ZCCHC7: variants seen among roughly 807,000 people sequenced by gnomAD.
ZCCHC7 encodes the protein zinc finger CCHC domain-containing protein 7.
In ZCCHC7, 35 loss-of-function variants were observed where a neutral mutation model predicts 52.0. The observed-to-expected ratio is 0.67, with a 90% CI of 0.51 to 0.89. ZCCHC7 has a LOEUF of 0.89. Among genes scored for constraint, ZCCHC7 ranks in the 40% least tolerant of loss-of-function variants. The pLI is 0.00. For missense variants in ZCCHC7, 574 were observed against 649.1 expected (o/e 0.88, Z 1.26); for synonymous variants, 217 against 221.5 (o/e 0.98, Z 0.18).
intron 5 of ZCCHC7, among the ~76,000 whole-genome samples, chr9:37,306,689 TCCTGA>T (rs1829331005): frequency 7.2e-6 from 1 of 138,176 alleles, no homozygotes; most frequent in Non-Finnish European, 1.5e-5. Context: ...GGTCTCGATC[TCCTGA>T]CCTCATGATC....
intron 6 of ZCCHC7, among the ~76,000 whole-genome samples, chr9:37,348,621 G>A (rs781399535): frequency 1.3e-5 from 2 of 151,848 alleles, no homozygotes; most frequent in East Asian, 1.9e-4. Flanking sequence ...CTCGTGATCC[G>A]CCCACCTCAG....
chr9:37,198,046 A>T (rs998978225), intron 2 of ZCCHC7, among the ~76,000 whole-genome samples: 11 of 152,236 alleles, frequency 7.2e-5, no homozygotes, highest in Admixed American at 2.0e-4. Context: ...AGTGTTCCTC[A>T]TAACAAAGCC....
At chr9:37,138,977 A>G (rs1843109622) in intron 2 of ZCCHC7, among the ~76,000 whole-genome samples, 1 of 151,962 alleles carries the variant, frequency 6.6e-6, no homozygotes, top group African/African-American at 2.4e-5. Context: ...TTTCCAAAGA[A>G]ATATAGAATG....
At chr9:37,168,608 A>C (rs1003367025) in intron 2 of ZCCHC7, among the ~76,000 whole-genome samples, 1 of 152,196 alleles carries the variant, frequency 6.6e-6, no homozygotes, top group Non-Finnish European at 1.5e-5. Context: ...ATGTAAACAA[A>C]GTACCCAGGC....
intron 2 of ZCCHC7, among the ~76,000 whole-genome samples, chr9:37,260,931 T>G (rs1588568036): frequency 6.6e-6 from 1 of 152,338 alleles, no homozygotes; most frequent in Middle Eastern, 3.4e-3. Context: ...TTATTCTATA[T>G]CTTTCTTTTA....
intron 6 of ZCCHC7, among the ~76,000 whole-genome samples, chr9:37,335,949 A>G (rs962587686): frequency 2.6e-5 from 4 of 152,186 alleles, no homozygotes; most frequent in African/African-American, 9.6e-5. Flanking sequence ...GTTCTCTATC[A>G]TAAGCAAATA....
At chr9:37,261,152 G>C (rs1435881685) in intron 2 of ZCCHC7, among the ~76,000 whole-genome samples, 2 of 152,042 alleles carry the variant, frequency 1.3e-5, no homozygotes, top group African/African-American at 4.8e-5. Context: ...GTACCTATGT[G>C]AGAGACATTT....
intron 2 of ZCCHC7, among the ~76,000 whole-genome samples, chr9:37,298,279 G>C (rs1003779338): frequency 2.0e-5 from 3 of 152,080 alleles, no homozygotes; most frequent in Admixed American, 1.3e-4. Flanking sequence ...GTAGGTTATG[G>C]GTCACCCCCA....
intron 2 of ZCCHC7, among the ~76,000 whole-genome samples, chr9:37,176,174 T>C (rs1169593800): frequency 6.6e-6 from 1 of 152,078 alleles, no homozygotes; most frequent in African/African-American, 2.4e-5. Flanking sequence ...CCTGGGTTCA[T>C]GCCATTCTCC....
chr9:37,231,148 G>T (rs973692905), intron 2 of ZCCHC7, among the ~76,000 whole-genome samples: 2 of 152,136 alleles, frequency 1.3e-5, no homozygotes, highest in Non-Finnish European at 2.9e-5. Flanking sequence ...GTTTTGCCAT[G>T]TTGGCCAGGC....
intron 2 of ZCCHC7, among the ~76,000 whole-genome samples, chr9:37,130,900 T>C (rs1247362420): frequency 1.3e-5 from 2 of 152,108 alleles, no homozygotes; most frequent in East Asian, 3.8e-4. Context: ...TTGAGATAAT[T>C]CATAAGTCTG....
In ZCCHC7 at chr9:37,357,301, T is replaced by A. The variant is rs1222606106; in HGVS notation, c.*33T>A. On this transcript the variant is annotated 3_prime_UTR_variant, in exon 9 of 9. Transcript: ENST00000336755. Reference sequence around the variant, plus strand: ...GGCAGCCTCTGATGTGGCTTTTCATTGTTCATTTGGCCTTTGTGTCTATAA... The same window carrying A: ...GGCAGCCTCTGATGTGGCTTTTCATAGTTCATTTGGCCTTTGTGTCTATAA... The A allele has an allele frequency of 6.5e-7, 1 of 1,546,400 alleles. No homozygotes were observed. Among genetic ancestry groups the A allele is most frequent in the Non-Finnish European group, 8.7e-7 (1 of 1,153,560 alleles).
intron 2 of ZCCHC7, among the ~76,000 whole-genome samples, chr9:37,173,369 A>G (rs1363120681): frequency 2.0e-5 from 3 of 152,230 alleles, no homozygotes; most frequent in Non-Finnish European, 4.4e-5. Context: ...ACTGTAGTTA[A>G]CTGTTCATAT....
At chr9:37,213,575 T>C (rs890770715) in intron 2 of ZCCHC7, among the ~76,000 whole-genome samples, 1 of 152,158 alleles carries the variant, frequency 6.6e-6, no homozygotes, top group Admixed American at 6.5e-5. Context: ...ATTTATCTGA[T>C]GATTCATACT....
intron 2 of ZCCHC7, among the ~76,000 whole-genome samples, chr9:37,156,353 G>C (rs897209242): frequency 3.3e-5 from 5 of 152,104 alleles, no homozygotes; most frequent in South Asian, 2.1e-4. Context: ...GCTATTAAAA[G>C]GTTGTTTTAG....
At chr9:37,315,720 G>C (rs753867096) in intron 5 of ZCCHC7, among the ~76,000 whole-genome samples, 1 of 150,568 alleles carries the variant, frequency 6.6e-6, no homozygotes, top group Non-Finnish European at 1.5e-5. Context: ...ACAGGAACCA[G>C]TTCTAATGTA....
intron 1 of ZCCHC7, among the ~76,000 whole-genome samples, chr9:37,125,084 C>A (rs7019699): frequency 0.33 from 50,369 of 152,164 alleles, 8,718 homozygotes; most frequent in Middle Eastern, 0.41. Context: ...ACTCCTGACT[C>A]AAGTGATCCA....
intron 2 of ZCCHC7, among the ~76,000 whole-genome samples, chr9:37,204,071 T>C (rs893021896): frequency 6.6e-6 from 1 of 152,242 alleles, no homozygotes; most frequent in Non-Finnish European, 1.5e-5. Flanking sequence ...ATGTTGAGCT[T>C]ATTTTCATGT....
In ZCCHC7 at chr9:37,277,466, A is replaced by AC. The variant is rs377053743; in HGVS notation, c.611-24715dup. 6.0e-3 allele frequency among the ~76,000 whole-genome samples: 912 copies of AC among 151,932 alleles called. 4 individuals carry two copies. The highest frequency in any genetic ancestry group is 0.014 in the African/African-American group (591 of 41,358). ...AGACCAGCCTGGGCAACATAGTGAG[A>AC]CCCCCCCATCTCTGAAATAAAATAA... is the stretch of plus-strand genomic sequence containing the variant. On this transcript the variant is annotated intron_variant, in intron 2 of 8. Transcript: ENST00000336755.
Sources: allele counts gnomAD v4.1 joint callset (sites outside exome capture counted in the v4.1 genomes callset), GRCh38; gene constraint gnomAD v4.1.1; transcripts MANE v1.5; gene names NCBI Gene and HGNC (gene_info 2026-07-23, HGNC 2026-07-21).